The following RABGAP1L variants were observed in gnomAD, a reference collection of about 807,000 sequenced individuals.
RABGAP1L encodes the protein rab GTPase-activating protein 1-like.
In RABGAP1L, 63 loss-of-function variants were observed where a neutral mutation model predicts 137.7. The ratio of observed to expected loss-of-function variants is 0.46; its 90% CI spans 0.37 to 0.56. The LOEUF (loss-of-function observed/expected upper bound fraction) is 0.56. RABGAP1L is among the 20% of genes least tolerant of loss of function. RABGAP1L has a pLI of 0.00. For synonymous variants in RABGAP1L, 431 were observed against 433.7 expected (o/e 0.99, Z 0.08); for missense variants, 1,095 against 1,244.0 (o/e 0.88, Z 1.80).
chr1:174,387,763 C>A (rs916202411), intron 12 of RABGAP1L, among the ~76,000 whole-genome samples: 3 of 151,806 alleles, frequency 2.0e-5, no homozygotes, highest in Admixed American at 1.3e-4. Context: ...TAAAATATTT[C>A]TAATAATATT....
Position 174,250,581 on chromosome 1 carries a change from C to T in RABGAP1L, c.824C>T (p.Thr275Ile). Residue 275 changes from threonine to isoleucine, a missense_variant, in exon 6 of 26, where the codon ACC (threonine) becomes ATC (isoleucine). By Grantham distance (89) the Thr-to-Ile change is moderately conservative. Coordinates refer to ENST00000681986, the MANE Select transcript of RABGAP1L (RefSeq NM_001366446.1). ...VIPTPDSDVFTFSVSLEVKED... is the reference protein window; with the variant it reads ...VIPTPDSDVFIFSVSLEVKED... Reference sequence around the variant, plus strand: ...CCTACCCCCGACAGTGATGTGTTTACCTTCAGTGTCTCCTTGGAGGTAAAA... The same window carrying T: ...CCTACCCCCGACAGTGATGTGTTTATCTTCAGTGTCTCCTTGGAGGTAAAA... 8 of 1,613,854 alleles carry T rather than the reference C, an allele frequency of 5.0e-6. No homozygotes were observed. The highest frequency in any genetic ancestry group is 6.8e-6 in the Non-Finnish European group (8 of 1,179,866).
chr1:174,505,539 A>G lies in RABGAP1L; in HGVS notation c.1710+111394A>G, dbSNP rs191733824. Among the ~76,000 whole-genome samples, 556 of 152,228 alleles carry G rather than the reference A, an allele frequency of 3.7e-3. 4 individuals carry two copies. Among genetic ancestry groups the G allele is most frequent in the African/African-American group, 0.012 (479 of 41,546 alleles). ...AAAAATACTTGAAATAAACACAGGA[A>G]GTTGTATACTAAAAAATGCTGAACA... On this transcript the variant is annotated intron_variant, in intron 13 of 25. Coordinates refer to ENST00000681986, the MANE Select transcript of RABGAP1L (RefSeq NM_001366446.1).
chr1:174,620,883 A>G (rs994003100), intron 13 of RABGAP1L, among the ~76,000 whole-genome samples: 8 of 152,224 alleles, frequency 5.3e-5, no homozygotes, highest in East Asian at 1.9e-4. Context: ...TTGATAGACC[A>G]CTAGCAAGAC....
chr1:174,512,412 T>C (rs1050986902), intron 13 of RABGAP1L, among the ~76,000 whole-genome samples: 1 of 152,216 alleles, frequency 6.6e-6, no homozygotes, highest in Non-Finnish European at 1.5e-5. Context: ...ATGTCTGAAA[T>C]GTATGGTGGT....
At chr1:174,891,900 AACAC>A (rs1460555151) in intron 19 of RABGAP1L, among the ~76,000 whole-genome samples, 2 of 152,354 alleles carry the variant, frequency 1.3e-5, no homozygotes, top group South Asian at 4.1e-4. Context: ...TAAAAACTGA[AACAC>A]AGAAAGAAAA....
intron 11 of RABGAP1L, among the ~76,000 whole-genome samples, chr1:174,324,801 T>C (rs1482533508): frequency 1.3e-5 from 2 of 152,064 alleles, no homozygotes; most frequent in Non-Finnish European, 2.9e-5. Context: ...AGAAGTGATA[T>C]TCGGTGTTGT....
At chr1:174,954,889 G>T (rs1668287574) in intron 19 of RABGAP1L, among the ~76,000 whole-genome samples, 1 of 152,070 alleles carries the variant, frequency 6.6e-6, no homozygotes, top group Admixed American at 6.6e-5. Context: ...CTATTTTAGT[G>T]CTAGTGATTT....
intron 13 of RABGAP1L, among the ~76,000 whole-genome samples, chr1:174,623,169 A>G (rs555222947): frequency 6.6e-6 from 1 of 152,338 alleles, no homozygotes; most frequent in African/African-American, 2.4e-5. Context: ...CACAGTCTTG[A>G]GGAACTATTT....
At chr1:174,568,690 A>T (rs1276653866) in intron 13 of RABGAP1L, among the ~76,000 whole-genome samples, 1 of 151,768 alleles carries the variant, frequency 6.6e-6, no homozygotes, top group Non-Finnish European at 1.5e-5. Flanking sequence ...AGAAAGACTG[A>T]GTGTGTGTGT....
intron 13 of RABGAP1L, among the ~76,000 whole-genome samples, chr1:174,457,931 C>G (rs1656226692): frequency 6.6e-6 from 1 of 152,144 alleles, no homozygotes; most frequent in Non-Finnish European, 1.5e-5. Flanking sequence ...TCAAGTTAAT[C>G]ATATGATGTA....
At chr1:174,567,769 G>A (rs140732740) in intron 13 of RABGAP1L, among the ~76,000 whole-genome samples, 148 of 152,238 alleles carry the variant, frequency 9.7e-4, no homozygotes, top group African/African-American at 3.4e-3. Flanking sequence ...GATTTGATTA[G>A]AAAAGGAATT....
intron 19 of RABGAP1L, among the ~76,000 whole-genome samples, chr1:174,938,857 T>C (rs1449857665): frequency 2.0e-5 from 3 of 152,154 alleles, no homozygotes; most frequent in African/African-American, 7.2e-5. Context: ...GAAATACACA[T>C]TTTCCCATAC....
intron 13 of RABGAP1L, among the ~76,000 whole-genome samples, chr1:174,492,587 C>T (rs1318275890): frequency 1.3e-5 from 2 of 151,874 alleles, no homozygotes; most frequent in Non-Finnish European, 2.9e-5. Context: ...TGACCTCAGG[C>T]GATCCGCCTG....
At chr1:174,220,871 T>C in intron 2 of RABGAP1L, 101 bp from the exon 3 acceptor site, 1 of 1,026,018 alleles carries the variant, frequency 9.7e-7, no homozygotes, top group Admixed American at 3.1e-5. Context: ...TATTTAAATA[T>C]TTAGATTGTT....
chr1:174,826,795 C>T (rs1417195018), intron 19 of RABGAP1L, among the ~76,000 whole-genome samples: 1 of 152,158 alleles, frequency 6.6e-6, no homozygotes, highest in Non-Finnish European at 1.5e-5. Flanking sequence ...TCTGCGGCCT[C>T]GCCAACATCT....
At chr1:174,624,041 A>T (rs767873234) in intron 13 of RABGAP1L, among the ~76,000 whole-genome samples, 7 of 152,242 alleles carry the variant, frequency 4.6e-5, no homozygotes, top group Non-Finnish European at 8.8e-5. Flanking sequence ...GGATTAAGTT[A>T]AAGTGTTTGC....
At chr1:174,584,308 CA>C (rs1307134570) in intron 13 of RABGAP1L, among the ~76,000 whole-genome samples, 2 of 152,116 alleles carry the variant, frequency 1.3e-5, no homozygotes, top group Non-Finnish European at 2.9e-5. Flanking sequence ...TCATTTAAGC[CA>C]AAGTCTATAA....
chr1:174,919,072 G>A (rs1380825054), intron 19 of RABGAP1L, among the ~76,000 whole-genome samples: 1 of 150,468 alleles, frequency 6.6e-6, no homozygotes, highest in Non-Finnish European at 1.5e-5. Context: ...AGGCTGGGGT[G>A]CAATGGCACG....
At chr1:174,526,486 A>T (rs996263148) in intron 13 of RABGAP1L, among the ~76,000 whole-genome samples, 1 of 152,058 alleles carries the variant, frequency 6.6e-6, no homozygotes, top group Non-Finnish European at 1.5e-5. Flanking sequence ...CTTTGTTGGG[A>T]GACATTTTAA....
Sources: allele counts gnomAD v4.1 joint callset (sites outside exome capture counted in the v4.1 genomes callset), GRCh38; gene constraint gnomAD v4.1.1; transcripts MANE v1.5; gene names NCBI Gene and HGNC (gene_info 2026-07-23, HGNC 2026-07-21).